CDK19: variants seen among roughly 807,000 people sequenced by gnomAD.
The protein encoded by CDK19 is cyclin dependent kinase 19, also known as cyclin-dependent kinase 19.
Under a neutral mutation model 68.3 loss-of-function variants are expected in CDK19, and 20 were observed. The ratio of observed to expected loss-of-function variants is 0.29; its 90% CI spans 0.21 to 0.43. The LOEUF (loss-of-function observed/expected upper bound fraction) is 0.43, where lower values mean the gene tolerates loss of function less well. CDK19 is among the 20% of genes least tolerant of loss of function. The probability of loss-of-function intolerance (pLI) is 1.00; values close to 1 mark genes in which losing one functional copy is unlikely to be tolerated. For synonymous variants in CDK19, 221 were observed against 222.8 expected (o/e 0.99, Z 0.07); for missense variants, 339 against 623.5 (o/e 0.54, Z 4.86).
rs888813844 is a variant in CDK19, at chr6:110,613,118, C to A, written c.*1417G>T. ...TGCCCCTTACATTACAATGGGAGCT[C>A]TAAGTTTTTACATTTCCTTTTGACT... is the stretch of plus-strand genomic sequence containing the variant. On this transcript the variant is annotated 3_prime_UTR_variant, in exon 13 of 13. Transcript: ENST00000368911. 4 of 152,626 alleles carry A rather than the reference C, an allele frequency of 2.6e-5. No individual in the cohort carries two copies. Among genetic ancestry groups the A allele is most frequent in the African/African-American group, 9.7e-5 (4 of 41,440 alleles). The allele number at this position is 152,626 out of a possible 1,614,324, so 9.5% of individuals were successfully genotyped here.
intron 4 of CDK19, among the ~76,000 whole-genome samples, chr6:110,647,940 GT>G (rs1375026662): frequency 1.3e-5 from 2 of 152,078 alleles, no homozygotes; most frequent in African/African-American, 2.4e-5. Flanking sequence ...ATCTATGGAA[GT>G]TTATCACCAT....
chr6:110,638,526 T>C lies in CDK19; in HGVS notation c.514+123A>G, dbSNP rs555809598. On this transcript the variant is annotated intron_variant, in intron 5 of 12. Transcript: ENST00000368911. ...TATCTATCTACATTTTCCAATATCTTTTCTAAAAATAATGAGAAAGTAATT... is the reference window on the plus strand; with the variant it reads ...TATCTATCTACATTTTCCAATATCTCTTCTAAAAATAATGAGAAAGTAATT... The C allele has an allele frequency of 3.4e-4, 222 of 644,838 alleles. No individual in the cohort carries two copies. In the African/African-American group the frequency reaches 3.8e-3, roughly 11 times the overall value. The allele number at this position is 644,838 out of a possible 1,614,324, so 39.9% of individuals were successfully genotyped here.
chr6:110,710,470 A>G (rs1412281481), intron 2 of CDK19, among the ~76,000 whole-genome samples: 1 of 152,204 alleles, frequency 6.6e-6, no homozygotes, highest in Non-Finnish European at 1.5e-5. Context: ...TGGAAATATA[A>G]TAATACCCTT....
At chr6:110,798,842 T>C (rs1782140924) in intron 1 of CDK19, among the ~76,000 whole-genome samples, 1 of 151,788 alleles carries the variant, frequency 6.6e-6, no homozygotes, top group Non-Finnish European at 1.5e-5. Context: ...ATGAAAATGC[T>C]ACTTAAAAAG....
chr6:110,792,099 T>C (rs1394347562), intron 1 of CDK19, among the ~76,000 whole-genome samples: 4 of 151,730 alleles, frequency 2.6e-5, no homozygotes, highest in Admixed American at 2.0e-4. Context: ...CCCTCCCAAG[T>C]AGCTGGGACT....
At chr6:110,691,003 C>A (rs924762088) in intron 2 of CDK19, among the ~76,000 whole-genome samples, 1 of 152,028 alleles carries the variant, frequency 6.6e-6, no homozygotes, top group African/African-American at 2.4e-5. Flanking sequence ...TTACACTAGC[C>A]CTCCAGCAAT....
At chr6:110,617,672 C>T (rs796709193) in intron 12 of CDK19, among the ~76,000 whole-genome samples, 17,151 of 123,318 alleles carry the variant, frequency 0.14, 1,378 homozygotes, top group South Asian at 0.29. Context: ...TACACACACA[C>T]ACACACACAC....
At chr6:110,788,507 T>C (rs1781390731) in intron 1 of CDK19, among the ~76,000 whole-genome samples, 1 of 152,322 alleles carries the variant, frequency 6.6e-6, no homozygotes, top group East Asian at 1.9e-4. Flanking sequence ...CAAACCATCC[T>C]TGGCTGCCAT....
chr6:110,764,964 T>TAAATAAATAAATAAAC (rs1779474064), intron 1 of CDK19, among the ~76,000 whole-genome samples: 1 of 148,980 alleles, frequency 6.7e-6, no homozygotes, highest in East Asian at 1.9e-4. Flanking sequence ...AATAAATAAA[T>TAAATAAATAAATAAAC]AAATAAATAA....
intron 4 of CDK19, among the ~76,000 whole-genome samples, chr6:110,655,084 T>C (rs1050219340): frequency 2.6e-5 from 4 of 152,054 alleles, no homozygotes; most frequent in African/African-American, 4.8e-5. Context: ...AAATCCTCGA[T>C]AGGCCGGGCA....
chr6:110,794,334 C>A (rs905294895), intron 1 of CDK19, among the ~76,000 whole-genome samples: 3 of 151,752 alleles, frequency 2.0e-5, no homozygotes, highest in Admixed American at 2.0e-4. Context: ...TGTGAGCGAC[C>A]GCGCCTGGCC....
At chr6:110,710,660 A>G (rs979187025) in intron 2 of CDK19, among the ~76,000 whole-genome samples, 12 of 152,162 alleles carry the variant, frequency 7.9e-5, no homozygotes, top group South Asian at 2.1e-4. Flanking sequence ...GTAACCTCAC[A>G]TGGTGGAATG....
intron 1 of CDK19, among the ~76,000 whole-genome samples, chr6:110,809,504 G>A (rs913264439): frequency 1.3e-4 from 20 of 152,018 alleles, no homozygotes; most frequent in Admixed American, 5.2e-4. Flanking sequence ...TGGTGATAGA[G>A]TGAGACAGTC....
chr6:110,704,982 ATGG>A (rs1251888766), intron 2 of CDK19, among the ~76,000 whole-genome samples: 1 of 152,060 alleles, frequency 6.6e-6, no homozygotes. Context: ...AACCAAAAAG[ATGG>A]TGGTACAATT....
In CDK19 at chr6:110,704,309, A is replaced by G. The variant is rs76537894; in HGVS notation, c.205-33768T>C. Among the ~76,000 whole-genome samples, 1,405 of 152,366 alleles carry G rather than the reference A, an allele frequency of 9.2e-3. 23 individuals are homozygous for G. The highest frequency in any genetic ancestry group is 0.032 in the African/African-American group (1,339 of 41,584). On this transcript the variant is annotated intron_variant, in intron 2 of 12. Transcript: ENST00000368911. ...ACCATGTACTGTGTATTTTGCAGTC[A>G]GAGCAGCCTTGGGAAGCCCTATCTT...
intron 2 of CDK19, among the ~76,000 whole-genome samples, chr6:110,692,649 A>G (rs562686082): frequency 3.7e-4 from 56 of 152,300 alleles, no homozygotes; most frequent in African/African-American, 1.2e-3. Flanking sequence ...CTCCTGGAAA[A>G]TTCATTGCAA....
chr6:110,686,917 G>A (rs572921439), intron 2 of CDK19, among the ~76,000 whole-genome samples: 38 of 152,148 alleles, frequency 2.5e-4, no homozygotes, highest in African/African-American at 9.2e-4. Flanking sequence ...ACATAGTTTC[G>A]GCCAGGTGCG....
At chr6:110,771,035 T>C (rs1779979477) in intron 1 of CDK19, among the ~76,000 whole-genome samples, 1 of 152,174 alleles carries the variant, frequency 6.6e-6, no homozygotes, top group South Asian at 2.1e-4. Flanking sequence ...TCCTGGCTAC[T>C]TTCACGGGCT....
At chr6:110,806,846 T>C (rs1782713545) in intron 1 of CDK19, among the ~76,000 whole-genome samples, 1 of 151,664 alleles carries the variant, frequency 6.6e-6, no homozygotes, top group Non-Finnish European at 1.5e-5. Flanking sequence ...GGTATAGTGG[T>C]ATATGCCTGT....
Sources: gnomAD v4.1 joint callset for allele counts (sites outside exome capture counted in the v4.1 genomes callset) on GRCh38, gnomAD v4.1.1 for gene constraint, MANE v1.5 for transcripts, NCBI Gene and HGNC (gene_info 2026-07-23, HGNC 2026-07-21) for gene names.